The following LRRTM4 variants were observed in gnomAD, a reference collection of about 807,000 sequenced individuals.
LRRTM4 encodes leucine rich repeat transmembrane neuronal 4, also known as leucine-rich repeat transmembrane neuronal protein 4.
LRRTM4 carries 25 observed loss-of-function variants against 47.6 expected under a neutral mutation model. That is an observed-to-expected ratio of 0.53 (90% CI 0.38 to 0.73). The LOEUF is 0.73. LRRTM4 is among the 30% of genes least tolerant of loss of function. LRRTM4 has a pLI of 0.00. For missense variants in LRRTM4, 638 were observed against 713.4 expected (o/e 0.89, Z 1.20); for synonymous variants, 311 against 269.5 (o/e 1.15, Z -1.51).
chr2:76,986,825 T>C (rs1676816129), intron 3 of LRRTM4, among the ~76,000 whole-genome samples: 1 of 151,936 alleles, frequency 6.6e-6, no homozygotes, highest in South Asian at 2.1e-4. Flanking sequence ...CATTTCTTCT[T>C]TTGCTTTAGC....
At chr2:77,476,480 G>A (rs1233155220) in intron 3 of LRRTM4, among the ~76,000 whole-genome samples, 1 of 151,890 alleles carries the variant, frequency 6.6e-6, no homozygotes, top group Non-Finnish European at 1.5e-5. Flanking sequence ...ATAAGAAGAG[G>A]TAATCTCTTT....
intron 3 of LRRTM4, among the ~76,000 whole-genome samples, chr2:76,769,709 G>A (rs2104108067): frequency 6.6e-6 from 1 of 152,020 alleles, no homozygotes; most frequent in Admixed American, 6.6e-5. Flanking sequence ...ATTTTAACAG[G>A]ACCCCCCAGA....
intron 3 of LRRTM4, among the ~76,000 whole-genome samples, chr2:77,053,387 C>T (rs1432232381): frequency 6.6e-6 from 1 of 151,928 alleles, no homozygotes; most frequent in Non-Finnish European, 1.5e-5. Flanking sequence ...CAATATGAAG[C>T]ATAGTAGAAC....
chr2:77,224,055 G>A (rs1020340720), intron 3 of LRRTM4, among the ~76,000 whole-genome samples: 30 of 150,870 alleles, frequency 2.0e-4, no homozygotes, highest in Admixed American at 1.1e-3. Flanking sequence ...AAATGATGCC[G>A]CATATCTACA....
chr2:77,225,404 G>A (rs772431801), intron 3 of LRRTM4, among the ~76,000 whole-genome samples: 8 of 147,396 alleles, frequency 5.4e-5, no homozygotes, highest in South Asian at 2.1e-4. Flanking sequence ...TAGTGTATGC[G>A]GATGAACACA....
chr2:77,460,314 A>C (rs1676739727), intron 3 of LRRTM4, among the ~76,000 whole-genome samples: 1 of 152,038 alleles, frequency 6.6e-6, no homozygotes, highest in Non-Finnish European at 1.5e-5. Flanking sequence ...TAGTGGGAGG[A>C]GTCTAGCTAC....
chr2:77,004,189 T>C (rs1677544288), intron 3 of LRRTM4, among the ~76,000 whole-genome samples: 2 of 152,186 alleles, frequency 1.3e-5, no homozygotes, highest in South Asian at 2.1e-4. Flanking sequence ...GACATTTGCA[T>C]AAGCAACAAG....
intron 3 of LRRTM4, among the ~76,000 whole-genome samples, chr2:76,868,328 A>C (rs1672523176): frequency 6.6e-6 from 1 of 152,206 alleles, no homozygotes; most frequent in African/African-American, 2.4e-5. Flanking sequence ...GGTCTGAATC[A>C]CATTTATTAA....
chr2:77,092,832 T>G, intron 3 of LRRTM4, among the ~76,000 whole-genome samples: 1 of 142,294 alleles, frequency 7.0e-6, no homozygotes, highest in Non-Finnish European at 1.5e-5. Context: ...AGGCTCTTAG[T>G]ATTCAGCGAA....
At chr2:77,309,512 G>A (rs1677385465) in intron 3 of LRRTM4, among the ~76,000 whole-genome samples, 1 of 152,086 alleles carries the variant, frequency 6.6e-6, no homozygotes, top group Non-Finnish European at 1.5e-5. Flanking sequence ...GGTAATCCAA[G>A]GCTCACCAAG....
rs57427388 is a variant in LRRTM4 at position 76,872,058 on chromosome 2, C to T, written c.1552-123142G>A. Reference sequence around the variant, plus strand: ...TGTCTGGTCTTCTAACCCACAGCAACGGTAGGGTAATGAGTATGTGCTATT... The same window carrying T: ...TGTCTGGTCTTCTAACCCACAGCAATGGTAGGGTAATGAGTATGTGCTATT... On this transcript the variant is annotated intron_variant, in intron 3 of 3. Transcript: ENST00000409884. Among the ~76,000 whole-genome samples the T allele has an allele frequency of 6.2e-3, 949 of 152,260 alleles. 12 individuals carry two copies. The highest frequency in any genetic ancestry group is 0.022 in the African/African-American group (901 of 41,546).
At chr2:77,412,659 T>C (rs1160229147) in intron 3 of LRRTM4, among the ~76,000 whole-genome samples, 3 of 152,164 alleles carry the variant, frequency 2.0e-5, no homozygotes, top group Non-Finnish European at 4.4e-5. Flanking sequence ...ACAAGAGTAT[T>C]AAGAGGGAAA....
At chr2:77,453,296 C>T (rs935616966) in intron 3 of LRRTM4, among the ~76,000 whole-genome samples, 1 of 151,226 alleles carries the variant, frequency 6.6e-6, no homozygotes, top group Non-Finnish European at 1.5e-5. Flanking sequence ...ATTCTCCTGC[C>T]TCAGCCTCTC....
At chr2:76,922,399 A>G (rs903065379) in intron 3 of LRRTM4, among the ~76,000 whole-genome samples, 3 of 152,052 alleles carry the variant, frequency 2.0e-5, no homozygotes, top group Admixed American at 1.3e-4. Flanking sequence ...GGGAAGTGCC[A>G]CATACTTTCA....
At chr2:77,151,144 T>C (rs1262962345) in intron 3 of LRRTM4, among the ~76,000 whole-genome samples, 1 of 151,782 alleles carries the variant, frequency 6.6e-6, no homozygotes, top group Non-Finnish European at 1.5e-5. Context: ...TGTGTGTGTA[T>C]GTATGTGTAT....
chr2:77,060,135 T>C (rs151166903), intron 3 of LRRTM4, among the ~76,000 whole-genome samples: 1 of 152,326 alleles, frequency 6.6e-6, no homozygotes, highest in African/African-American at 2.4e-5. Context: ...AGTCAGTTTG[T>C]CTGGATTCTA....
At chr2:77,280,993 C>T (rs993606965) in intron 3 of LRRTM4, among the ~76,000 whole-genome samples, 2 of 151,758 alleles carry the variant, frequency 1.3e-5, no homozygotes, top group African/African-American at 2.4e-5. Context: ...AGCTACTAAC[C>T]CTATTAAAGA....
intron 3 of LRRTM4, among the ~76,000 whole-genome samples, chr2:77,407,655 TA>T (rs1362966081): frequency 4.0e-5 from 5 of 125,678 alleles, no homozygotes; most frequent in East Asian, 2.2e-4. Context: ...ATATATTATA[TA>T]ATTATATATA....
rs150592264 is a variant in LRRTM4, at chr2:77,139,323, C to T, written c.1551+378995G>A. Among the ~76,000 whole-genome samples the T allele has an allele frequency of 9.7e-3, 1,483 of 152,116 alleles. 27 individuals are homozygous for T. Among genetic ancestry groups the T allele is most frequent in the African/African-American group, 0.034 (1,409 of 41,500 alleles). ...TGGGATGCAAGGCTGGTTCAACATA[C>T]GAAAATCAATAAACATAATCCAGCA... On this transcript the variant is annotated intron_variant, in intron 3 of 3. Coordinates refer to ENST00000409884, the MANE Select transcript of LRRTM4 (RefSeq NM_001134745.3).
Sources: allele counts gnomAD v4.1 joint callset (sites outside exome capture counted in the v4.1 genomes callset), GRCh38; gene constraint gnomAD v4.1.1; transcripts MANE v1.5; gene names NCBI Gene and HGNC (gene_info 2026-07-23, HGNC 2026-07-21).